The following ATG4C variants were observed in gnomAD, a reference collection of about 807,000 sequenced individuals.
ATG4C encodes autophagy related 4C cysteine peptidase.
Under a neutral mutation model 57.6 loss-of-function variants are expected in ATG4C, and 56 were observed. That is an observed-to-expected ratio of 0.97 (90% CI 0.78 to 1.21). The LOEUF is 1.21. ATG4C is among the 50% of genes most tolerant of loss of function. The pLI is 0.00. For missense variants in ATG4C, 595 were observed against 529.8 expected (o/e 1.12, Z -1.21); for synonymous variants, 157 against 174.1 (o/e 0.90, Z 0.78).
chr1:62,848,658 C>A (rs1182453414), intron 10 of ATG4C, among the ~76,000 whole-genome samples: 1 of 152,088 alleles, frequency 6.6e-6, no homozygotes, highest in Non-Finnish European at 1.5e-5. Context: ...GTTGAGTGTG[C>A]ACTTCTTGCT....
At chr1:62,798,572 G>A (rs1664548743) in intron 1 of ATG4C, among the ~76,000 whole-genome samples, 1 of 152,078 alleles carries the variant, frequency 6.6e-6, no homozygotes, top group East Asian at 1.9e-4. Flanking sequence ...TTCCAACATG[G>A]CTCAAGGGAT....
At chr1:62,818,979 A>T in intron 4 of ATG4C, 26 bp from the exon 5 acceptor site, 3 of 1,474,474 alleles carry the variant, frequency 2.0e-6, no homozygotes, top group Non-Finnish European at 2.7e-6. Context: ...AAAAGATCTG[A>T]ACACTTTGCT....
At chr1:62,820,060 A>C (rs1665432080) in intron 5 of ATG4C, among the ~76,000 whole-genome samples, 1 of 152,116 alleles carries the variant, frequency 6.6e-6, no homozygotes, top group Non-Finnish European at 1.5e-5. Flanking sequence ...AATCATTACA[A>C]AGCATTTTTG....
At chr1:62,860,758 G>A (rs145200380) in intron 10 of ATG4C, among the ~76,000 whole-genome samples, 164 of 152,224 alleles carry the variant, frequency 1.1e-3, no homozygotes, top group African/African-American at 3.7e-3. Context: ...CCCTACATAG[G>A]GTATAGCTCT....
intron 1 of ATG4C, among the ~76,000 whole-genome samples, chr1:62,791,856 C>T (rs1664284677): frequency 6.6e-6 from 1 of 152,158 alleles, no homozygotes; most frequent in Non-Finnish European, 1.5e-5. Context: ...CCTGTTTCAG[C>T]TAATGGAACC....
At chr1:62,856,056 G>A (rs1666672800) in intron 10 of ATG4C, among the ~76,000 whole-genome samples, 1 of 152,208 alleles carries the variant, frequency 6.6e-6, no homozygotes, top group Non-Finnish European at 1.5e-5. Context: ...GGTTTGCTCT[G>A]TAGTCTTATA....
At chr1:62,806,281 A>C (rs968526257) in intron 3 of ATG4C, among the ~76,000 whole-genome samples, 1 of 152,124 alleles carries the variant, frequency 6.6e-6, no homozygotes, top group South Asian at 2.1e-4. Context: ...AGAGGTGTCC[A>C]GTTTAGCTAT....
At chr1:62,794,520 ATTC>A (rs72278626) in intron 1 of ATG4C, among the ~76,000 whole-genome samples, 2,765 of 152,040 alleles carry the variant, frequency 0.018, 80 homozygotes, top group African/African-American at 0.064. Context: ...TCAGCCCTTT[ATTC>A]TTCTTTTCAA....
chr1:62,823,281 G>A (rs1236954719), intron 6 of ATG4C, among the ~76,000 whole-genome samples: 1 of 152,190 alleles, frequency 6.6e-6, no homozygotes, highest in Non-Finnish European at 1.5e-5. Flanking sequence ...TACACTTACT[G>A]TTTCCCTCGG....
intron 10 of ATG4C, among the ~76,000 whole-genome samples, chr1:62,853,360 G>T (rs75418013): frequency 6.6e-6 from 1 of 152,156 alleles, no homozygotes; most frequent in Non-Finnish European, 1.5e-5. Flanking sequence ...AATAGCCACC[G>T]TTCTCTGTAA....
chr1:62,830,355 A>C (rs1411756707), intron 7 of ATG4C, among the ~76,000 whole-genome samples: 1 of 152,122 alleles, frequency 6.6e-6, no homozygotes, highest in Non-Finnish European at 1.5e-5. Context: ...TGTCATCTCT[A>C]GGTGGGTTCT....
chr1:62,851,963 A>G (rs1032706359), intron 10 of ATG4C, among the ~76,000 whole-genome samples: 1 of 152,210 alleles, frequency 6.6e-6, no homozygotes, highest in African/African-American at 2.4e-5. Flanking sequence ...TTCCAGAACA[A>G]TCACAAATCT....
intron 6 of ATG4C, among the ~76,000 whole-genome samples, chr1:62,823,478 T>C (rs553319154): frequency 6.6e-6 from 1 of 152,318 alleles, no homozygotes; most frequent in Admixed American, 6.5e-5. Context: ...TTGATTTAGA[T>C]CAGACCCTTA....
rs920116971 is a variant in ATG4C at position 62,811,272 on chromosome 1, A to G, written c.161-5303A>G. 3.3e-5 allele frequency among the ~76,000 whole-genome samples: 5 copies of G among 152,332 alleles called. No homozygotes were observed. The South Asian group carries it at 6.2e-4, about 19-fold the overall frequency. ...ATTTAATTTCTAGTAATATTAGAACATGGTTGCAAAAATTAGATTATTTTA... is the reference window on the plus strand; with the variant it reads ...ATTTAATTTCTAGTAATATTAGAACGTGGTTGCAAAAATTAGATTATTTTA... On this transcript the variant is annotated intron_variant, in intron 3 of 10. Transcript: ENST00000317868.
chr1:62,811,137 C>T (rs369517184), intron 3 of ATG4C, among the ~76,000 whole-genome samples: 2 of 152,164 alleles, frequency 1.3e-5, no homozygotes, highest in African/African-American at 2.4e-5. Context: ...TAGAAGGTAG[C>T]GGCTTTCAGC....
At chr1:62,801,312 A>T (rs1007945792) in intron 1 of ATG4C, among the ~76,000 whole-genome samples, 7 of 152,106 alleles carry the variant, frequency 4.6e-5, no homozygotes, top group African/African-American at 1.7e-4. Flanking sequence ...CCTAGCCCAG[A>T]CCTCTCCTTT....
intron 10 of ATG4C, among the ~76,000 whole-genome samples, chr1:62,862,187 G>A (rs6670694): frequency 0.45 from 68,663 of 151,928 alleles, 15,628 homozygotes; most frequent in East Asian, 0.67. Context: ...ACCTTATACT[G>A]CAAAAAGATT....
chr1:62,799,168 C>G (rs1001058603), intron 1 of ATG4C, among the ~76,000 whole-genome samples: 2 of 152,200 alleles, frequency 1.3e-5, no homozygotes, highest in African/African-American at 4.8e-5. Context: ...TTCTCCCCTT[C>G]AGCCTCCCAA....
chr1:62,855,457 T>G lies in ATG4C; in HGVS notation c.1210-8535T>G, dbSNP rs530874313. On this transcript the variant is annotated intron_variant, in intron 10 of 10. Transcript: ENST00000317868. ...GTTCATTGTTAAACTTATTACCTAG[T>G]AGCGCTGGTGTTTGAGGACAGGAAA... Among the ~76,000 whole-genome samples the G allele has an allele frequency of 1.7e-3, 252 of 152,346 alleles. 1 individual carries two copies. The highest frequency in any genetic ancestry group is 5.7e-3 in the African/African-American group (239 of 41,576).
Sources: gnomAD v4.1 joint callset for allele counts (sites outside exome capture counted in the v4.1 genomes callset) on GRCh38, gnomAD v4.1.1 for gene constraint, MANE v1.5 for transcripts, NCBI Gene and HGNC (gene_info 2026-07-23, HGNC 2026-07-21) for gene names.